Variants in TMF1 observed in about 807,000 individuals in gnomAD.
The protein encoded by TMF1 is TATA element modulatory factor 1.
A neutral mutation model predicts 126.5 loss-of-function variants in TMF1; 71 were observed. That is an observed-to-expected ratio of 0.56 (90% CI 0.46 to 0.68). TMF1 has a LOEUF of 0.68. TMF1 is among the 30% of genes least tolerant of loss of function. TMF1 has a pLI of 0.00. For missense variants in TMF1, 1,259 were observed against 1,253.2 expected, an observed-to-expected ratio of 1.00 and a Z score of -0.07; for synonymous variants, 461 against 430.5, an observed-to-expected ratio of 1.07 and a Z score of -0.88.
intron 5 of TMF1, chr3:69,042,286 C>T (rs1217413182): frequency 4.4e-6 from 2 of 453,116 alleles, no homozygotes; most frequent in Non-Finnish European, 8.8e-6. Flanking sequence ...GATCCACCCA[C>T]CTCTGCCTCC....
At position 69,021,497 on chromosome 3, in the gene TMF1, AAAG is replaced by A. The variant is rs1390866905; in HGVS notation, c.*1677_*1679del. The A allele has an allele frequency of 6.6e-6, 1 of 152,562 alleles. No homozygotes were observed. The highest frequency in any genetic ancestry group is 2.4e-5 in the African/African-American group (1 of 41,418). 9.5% of individuals were successfully genotyped at this position (152,562 alleles called of 1,614,324 possible). On this transcript the variant is annotated 3_prime_UTR_variant, in exon 17 of 17. Coordinates refer to ENST00000398559, the MANE Select transcript of TMF1 (RefSeq NM_007114.3). ...AATTTTATGAATCTGGCTCACACTG[AAAG>A]AATATTTATTAACACTACCAATCAG...
At chr3:69,034,941 A>C in intron 9 of TMF1, 82 bp downstream of exon 9, 1 of 1,256,406 alleles carries the variant, frequency 8.0e-7, no homozygotes, top group South Asian at 1.2e-5. Context: ...AATTCCATGA[A>C]CACTATCCCA....
chr3:69,029,966 G>A lies in TMF1; in HGVS notation c.2443C>T (p.Arg815Cys), dbSNP rs752947169. 8.7e-6 allele frequency: 14 copies of A among 1,613,898 alleles called. No homozygotes were observed. The highest frequency in any genetic ancestry group is 6.7e-5 in the East Asian group (3 of 44,872). ...TLLAAAVERE[R>C]AATEELLANK... ...GCAAGGAGTTCTTCTGTAGCTGCAC[G>A]TTCTCTCTCAACTGCTGCTGCCAGC... The change falls in exon 11 of 17, where the codon CGT becomes TGT. Residue 815 changes from arginine (R) to cysteine (C), a missense_variant. Arg to Cys is a radical substitution (Grantham distance 180). Transcript: ENST00000398559.
chr3:69,047,867 T>C lies in TMF1; in HGVS notation c.838A>G (p.Thr280Ala), dbSNP rs368243438. ...ESSASSRQET[T>A]DSKSSLHLMQ... ...AAGTGAAGACTTGATTTTGAATCTG[T>C]AGTCTCTTGTCTCGAGCTCGCTGAG... Residue 280 changes from threonine to alanine, a missense_variant, in exon 2 of 17, where the codon ACA becomes GCA. Thr to Ala is a moderately conservative substitution (Grantham distance 58). Coordinates refer to ENST00000398559, the MANE Select transcript of TMF1 (RefSeq NM_007114.3). 169 of 1,613,876 alleles carry C rather than the reference T, an allele frequency of 1.0e-4. No homozygotes were observed. The highest frequency in any genetic ancestry group is 1.3e-4 in the Non-Finnish European group (158 of 1,180,030).
At position 69,023,095 on chromosome 3, in the gene TMF1, A is replaced by G. The variant is rs2091748245; in HGVS notation, c.*82T>C. On this transcript the variant is annotated 3_prime_UTR_variant, in exon 17 of 17. Transcript: ENST00000398559. ...GTAAATCCCACTTTCTAATTCTATAAAAGAATTTATTGGAAGTCCACATTA... is the reference window on the plus strand; with the variant it reads ...GTAAATCCCACTTTCTAATTCTATAGAAGAATTTATTGGAAGTCCACATTA... 1.5e-6 allele frequency: 2 copies of G among 1,360,866 alleles called. No individual in the cohort carries two copies. Among genetic ancestry groups the G allele is most frequent in the Non-Finnish European group, 1.0e-6 (1 of 1,001,518 alleles). The allele number at this position is 1,360,866 out of a possible 1,614,324, so 84.3% of individuals were successfully genotyped here.
Position 69,044,563 on chromosome 3 carries a change from T to C in TMF1, c.1380A>G (p.Lys460=), listed in dbSNP as rs529868022. ...TVEFLNEKLE[K]REAQLLSLSK... ...TAAGAGATAATAACTGAGCCTCCCT[T>C]TTTTCCAGCTTTTCATTCAGAAATT... Residue 460 remains lysine, a synonymous_variant, in exon 3 of 17, where the codon AAA becomes AAG. Transcript: ENST00000398559. 6.2e-7 allele frequency: 1 copy of C among 1,609,160 alleles called. No individual in the cohort carries two copies. Among genetic ancestry groups the C allele is most frequent in the East Asian group, 2.2e-5 (1 of 44,728 alleles).
At chr3:69,051,908 C>T in intron 1 of TMF1, 37 bp downstream of exon 1, 1 of 1,605,832 alleles carries the variant, frequency 6.2e-7, no homozygotes, top group East Asian at 2.2e-5. Context: ...GAACAGCAGC[C>T]TCCGGGAGCC....
In TMF1 at chr3:69,020,854, T is replaced by C. The variant is rs555154145; in HGVS notation, c.*2323A>G. 21 of 152,342 alleles carry C rather than the reference T, an allele frequency of 1.4e-4. No homozygotes were observed. The highest frequency in any genetic ancestry group is 1.0e-3 in the South Asian group (5 of 4,826). 9.4% of individuals were successfully genotyped at this position (152,342 alleles called of 1,614,324 possible). ...AAAAAGAATGTTTAATTTTATAAAATTGAAAAGTTTAGGAATGAGTTTTAT... is the reference window on the plus strand; with the variant it reads ...AAAAAGAATGTTTAATTTTATAAAACTGAAAAGTTTAGGAATGAGTTTTAT... On this transcript the variant is annotated 3_prime_UTR_variant, in exon 17 of 17. Transcript: ENST00000398559.
At chr3:69,041,754 G>A (rs1232991283) in intron 5 of TMF1, among the ~76,000 whole-genome samples, 1 of 151,870 alleles carries the variant, frequency 6.6e-6, no homozygotes. Flanking sequence ...ATTAAAACTA[G>A]AAAAAATTAA....
In TMF1 at chr3:69,052,248, C is replaced by G. The variant is rs938445742; in HGVS notation, c.-162G>C. ...GCCTCCCGCGAGCCCGGGATGTTACCCTCGGCCGTTCCCGCACAGCTGAGA... is the reference window on the plus strand; with the variant it reads ...GCCTCCCGCGAGCCCGGGATGTTACGCTCGGCCGTTCCCGCACAGCTGAGA... On this transcript the variant is annotated 5_prime_UTR_variant, in exon 1 of 17. Coordinates refer to ENST00000398559, the MANE Select transcript of TMF1 (RefSeq NM_007114.3). 4.0e-6 allele frequency: 3 copies of G among 741,814 alleles called. No homozygotes were observed. The highest frequency in any genetic ancestry group is 1.8e-5 in the African/African-American group (1 of 55,216). The allele number at this position is 741,814 out of a possible 1,614,324, so 46.0% of individuals were successfully genotyped here. A position where few individuals can be genotyped will look rare whatever the true frequency, so the allele number is the denominator to read the frequency against.
intron 6 of TMF1, 98 bp from the exon 7 acceptor site, chr3:69,039,107 A>AT (rs982571380): frequency 1.9e-6 from 2 of 1,036,448 alleles, no homozygotes; most frequent in African/African-American, 1.7e-5. Context: ...AAAAATATAT[A>AT]TTTTTTTGAG....
chr3:69,034,595 A>T (rs1169253670), intron 9 of TMF1, among the ~76,000 whole-genome samples: 2 of 152,202 alleles, frequency 1.3e-5, no homozygotes, highest in Admixed American at 1.3e-4. Flanking sequence ...TTACCTCCTC[A>T]TCCAAATATT....
chr3:69,034,376 G>A (rs2091821064), intron 9 of TMF1, among the ~76,000 whole-genome samples: 1 of 152,090 alleles, frequency 6.6e-6, no homozygotes, highest in Non-Finnish European at 1.5e-5. Context: ...GGGAGGCTGA[G>A]GCAGGAGAAT....
intron 2 of TMF1, among the ~76,000 whole-genome samples, chr3:69,046,605 G>C (rs1198393085): frequency 3.9e-5 from 6 of 152,140 alleles, no homozygotes; most frequent in Admixed American, 1.3e-4. Flanking sequence ...AAAGATACCA[G>C]ATCCAACTAA....
intron 1 of TMF1, among the ~76,000 whole-genome samples, chr3:69,049,267 A>G (rs1212754789): frequency 1.3e-5 from 2 of 152,200 alleles, no homozygotes; most frequent in African/African-American, 2.4e-5. Context: ...CCAGCTACTC[A>G]GGAGGCTGAG....
intron 15 of TMF1, 183 bp from the exon 16 acceptor site, chr3:69,024,363 C>G (rs941575530): frequency 2.2e-6 from 1 of 464,522 alleles, no homozygotes; most frequent in East Asian, 4.1e-5. Flanking sequence ...ACGGTCCCAA[C>G]TTTCCTGAGA....
intron 10 of TMF1, among the ~76,000 whole-genome samples, chr3:69,032,589 C>T (rs1356285164): frequency 6.7e-6 from 1 of 150,010 alleles, no homozygotes; most frequent in African/African-American, 2.5e-5. Context: ...TGGGGCATGA[C>T]TGTAAAGAAG....
chr3:69,026,836 T>G (rs754977133), intron 13 of TMF1, among the ~76,000 whole-genome samples: 1 of 152,180 alleles, frequency 6.6e-6, no homozygotes, highest in African/African-American at 2.4e-5. Flanking sequence ...TTACAAATCA[T>G]AAAATTTCTG....
At chr3:69,031,490 G>T (rs558436831) in intron 10 of TMF1, among the ~76,000 whole-genome samples, 1 of 152,210 alleles carries the variant, frequency 6.6e-6, no homozygotes, top group East Asian at 1.9e-4. Context: ...TCAGTAGATT[G>T]TATCAATGTC....
Sources: gnomAD v4.1 joint callset for allele counts (sites outside exome capture counted in the v4.1 genomes callset) on GRCh38, gnomAD v4.1.1 for gene constraint, MANE v1.5 for transcripts, NCBI Gene and HGNC (gene_info 2026-07-23, HGNC 2026-07-21) for gene names.